Variants in VPS53 observed in about 807,000 individuals in gnomAD.
VPS53 encodes VPS53 subunit of GARP complex.
VPS53 carries 70 observed loss-of-function variants against 107.0 expected under a neutral mutation model. That is an observed-to-expected ratio of 0.65 (90% CI 0.54 to 0.80). The LOEUF (loss-of-function observed/expected upper bound fraction) is 0.80. Ranked by LOEUF, VPS53 falls within the 30% of genes least tolerant of loss-of-function variation. The probability of loss-of-function intolerance (pLI) is 0.00; values close to 1 mark genes in which losing one functional copy is unlikely to be tolerated. For missense variants in VPS53, 917 were observed against 1,049.4 expected (o/e 0.87, Z 1.74); for synonymous variants, 409 against 393.3 (o/e 1.04, Z -0.47).
At chr17:644,996 C>A (rs1440542874) in intron 7 of VPS53, among the ~76,000 whole-genome samples, 1 of 152,164 alleles carries the variant, frequency 6.6e-6, no homozygotes, top group Non-Finnish European at 1.5e-5. Flanking sequence ...TTTGCAGCAA[C>A]CTTATGTGAT....
At chr17:652,859 T>A (rs1447600182) in intron 7 of VPS53, among the ~76,000 whole-genome samples, 1 of 152,164 alleles carries the variant, frequency 6.6e-6, no homozygotes, top group Non-Finnish European at 1.5e-5. Flanking sequence ...ACAGGCAGCT[T>A]TGGAAGACAT....
At chr17:709,684 G>T (rs936569847) in intron 2 of VPS53, among the ~76,000 whole-genome samples, 2 of 152,108 alleles carry the variant, frequency 1.3e-5, no homozygotes, top group African/African-American at 4.8e-5. Flanking sequence ...AACAACTGCT[G>T]ACTGAAAAAA....
chr17:541,984 A>C (rs549660043), intron 17 of VPS53, among the ~76,000 whole-genome samples: 1 of 151,300 alleles, frequency 6.6e-6, no homozygotes, highest in African/African-American at 2.4e-5. Flanking sequence ...TCAAGCACCT[A>C]CCATGCACCA....
chr17:701,623 G>A (rs1361553315), intron 2 of VPS53, among the ~76,000 whole-genome samples: 2 of 152,072 alleles, frequency 1.3e-5, no homozygotes, highest in African/African-American at 2.4e-5. Context: ...TGATCTGCCC[G>A]CCTTGGCCTC....
At chr17:687,378 C>A (rs1308542956) in intron 4 of VPS53, among the ~76,000 whole-genome samples, 1 of 151,886 alleles carries the variant, frequency 6.6e-6, no homozygotes. Context: ...AAGATCGAGA[C>A]CATCCTGGCC....
intron 1 of VPS53, among the ~76,000 whole-genome samples, chr17:711,373 T>C (rs1448654403): frequency 1.3e-5 from 2 of 152,180 alleles, no homozygotes; most frequent in African/African-American, 4.8e-5. Context: ...GAAGAAGCCT[T>C]CCAAAGAAAT....
In VPS53 at chr17:631,434, G is replaced by C. The variant is rs1597405468; in HGVS notation, c.687+116C>G. The C allele has an allele frequency of 4.6e-6, 5 of 1,090,624 alleles. No homozygotes were observed. The East Asian group carries it at 1.2e-4, about 26-fold the overall frequency. 67.6% of individuals were successfully genotyped at this position (1,090,624 alleles called of 1,614,324 possible). A position where few individuals can be genotyped will look rare whatever the true frequency, so the allele number is the denominator to read the frequency against. ...CATTACCCTGAACCTGCAGCAGAAG[G>C]ATTTGCAGCTGCCAGCGAGCATGAC... On this transcript the variant is annotated intron_variant, in intron 8 of 21. Transcript: ENST00000437048.
At chr17:551,619 C>T in intron 17 of VPS53, 1 of 264,036 alleles carries the variant, frequency 3.8e-6, no homozygotes, top group Non-Finnish European at 7.3e-6. Flanking sequence ...TCATCAAACA[C>T]ATTTACTTCG....
At chr17:555,147 T>C (rs1484434578) in intron 15 of VPS53, among the ~76,000 whole-genome samples, 1 of 152,234 alleles carries the variant, frequency 6.6e-6, no homozygotes, top group Non-Finnish European at 1.5e-5. Flanking sequence ...TCCAAATTCC[T>C]AACCATGAAT....
chr17:521,642 T>C lies in VPS53; in HGVS notation c.2182A>G (p.Ile728Val). 6.4e-7 allele frequency: 1 copy of C among 1,551,354 alleles called. No individual in the cohort carries two copies. The highest frequency in any genetic ancestry group is 8.7e-7 in the Non-Finnish European group (1 of 1,146,570). ...VRKAPASYTKIVVKGMTRAEM... is the reference protein window; with the variant it reads ...VRKAPASYTKVVVKGMTRAEM... ...GCCCGGGTCATGCCTTTGACAACGA[T>C]CTTGGTGTAGCTGGCGGGTGCCTTC... The change falls in exon 20 of 22, where the codon ATC becomes GTC. Residue 728 changes from isoleucine (I) to valine (V), a missense_variant. Ile to Val is a conservative substitution (Grantham distance 29). Coordinates refer to ENST00000437048, the MANE Select transcript of VPS53 (RefSeq NM_001128159.3).
At chr17:525,531 C>CA (rs746588332) in intron 19 of VPS53, among the ~76,000 whole-genome samples, 4 of 151,392 alleles carry the variant, frequency 2.6e-5, no homozygotes, top group Non-Finnish European at 4.4e-5. Flanking sequence ...TCTACAAAAA[C>CA]AAAAATAATA....
intron 11 of VPS53, among the ~76,000 whole-genome samples, chr17:606,103 T>C (rs1376197253): frequency 6.6e-6 from 1 of 152,092 alleles, no homozygotes; most frequent in Admixed American, 6.5e-5. Flanking sequence ...AAGCTGGTGA[T>C]GGACGATAGA....
At chr17:681,423 C>T (rs989813866) in intron 4 of VPS53, among the ~76,000 whole-genome samples, 14 of 152,380 alleles carry the variant, frequency 9.2e-5, no homozygotes, top group African/African-American at 3.1e-4. Flanking sequence ...GCGTGAGCCA[C>T]TGCGCCCGGC....
At chr17:549,295 C>T (rs894454088) in intron 17 of VPS53, among the ~76,000 whole-genome samples, 5 of 152,124 alleles carry the variant, frequency 3.3e-5, no homozygotes, top group Non-Finnish European at 7.4e-5. Flanking sequence ...AATTTGTGAC[C>T]ACTTGGCTTG....
rs749099801 is a variant in VPS53, at chr17:517,947, A to AT, written c.*1180dup. On this transcript the variant is annotated 3_prime_UTR_variant, in exon 22 of 22. Coordinates refer to ENST00000437048, the MANE Select transcript of VPS53 (RefSeq NM_001128159.3). ...AGGTGCATGCCACCACACCTTGCAA[A>AT]TTTTTATTTTTGTAGACATCTGTAT... 2 of 151,904 alleles carry AT rather than the reference A, an allele frequency of 1.3e-5. No individual in the cohort carries two copies. The highest frequency in any genetic ancestry group is 2.9e-5 in the Non-Finnish European group (2 of 68,084). The allele number at this position is 151,904 out of a possible 1,614,324, so 9.4% of individuals were successfully genotyped here. A position where few individuals can be genotyped will look rare whatever the true frequency, so the allele number is the denominator to read the frequency against.
intron 11 of VPS53, among the ~76,000 whole-genome samples, chr17:616,798 C>T (rs1292839163): frequency 6.6e-6 from 1 of 152,230 alleles, no homozygotes; most frequent in African/African-American, 2.4e-5. Flanking sequence ...TGTTCAGCTG[C>T]CTCAGCTTGT....
chr17:521,781 C>T, intron 19 of VPS53, 43 bp from the exon 20 acceptor site: 1 of 1,447,818 alleles, frequency 6.9e-7, no homozygotes, highest in South Asian at 1.4e-5. Flanking sequence ...CTTCCAGCGA[C>T]CCAGTGCCGA....
chr17:668,912 A>G (rs1335208480), intron 4 of VPS53, among the ~76,000 whole-genome samples: 1 of 152,216 alleles, frequency 6.6e-6, no homozygotes, highest in Non-Finnish European at 1.5e-5. Flanking sequence ...CCAGCAAACA[A>G]ATAAGACTCA....
chr17:644,477 A>C (rs1380607746), intron 7 of VPS53, among the ~76,000 whole-genome samples: 1 of 152,254 alleles, frequency 6.6e-6, no homozygotes, highest in Non-Finnish European at 1.5e-5. Context: ...TGCTAAAAAT[A>C]AGAAGTCTGG....
Sources: gnomAD v4.1 joint callset for allele counts (sites outside exome capture counted in the v4.1 genomes callset) on GRCh38, gnomAD v4.1.1 for gene constraint, MANE v1.5 for transcripts, NCBI Gene and HGNC (gene_info 2026-07-23, HGNC 2026-07-21) for gene names.